The following RALB variants were observed in gnomAD, a reference collection of about 807,000 sequenced individuals.
The protein encoded by RALB is ras-related protein Ral-B.
A neutral mutation model predicts 21.3 loss-of-function variants in RALB; 16 were observed. That is an observed-to-expected ratio of 0.75 (90% CI 0.51 to 1.14). The LOEUF (loss-of-function observed/expected upper bound fraction) is 1.14, where lower values mean the gene tolerates loss of function less well. Among genes scored for constraint, RALB ranks in the 50% most tolerant of loss-of-function variants. The probability of loss-of-function intolerance (pLI) is 0.00; values close to 1 mark genes in which losing one functional copy is unlikely to be tolerated. For missense variants in RALB, 161 were observed against 256.2 expected, an observed-to-expected ratio of 0.63 and a Z score of 2.54; for synonymous variants, 93 against 96.1, an observed-to-expected ratio of 0.97 and a Z score of 0.19.
At chr2:120,277,812 T>C (rs551239164) in intron 1 of RALB, among the ~76,000 whole-genome samples, 1 of 150,754 alleles carries the variant, frequency 6.6e-6, no homozygotes, top group East Asian at 1.9e-4. Flanking sequence ...TGAGAGCGTG[T>C]GAGAGCAAGT....
intron 1 of RALB, among the ~76,000 whole-genome samples, chr2:120,273,689 C>T (rs1317447700): frequency 6.6e-6 from 1 of 152,226 alleles, no homozygotes; most frequent in Non-Finnish European, 1.5e-5. Flanking sequence ...AAGACGCCGA[C>T]CTGTAAGACC....
Position 120,267,801 on chromosome 2 carries a change from A to AT in RALB, c.-47-10810dup, listed in dbSNP as rs555072307. On this transcript the variant is annotated intron_variant, in intron 1 of 4. Transcript: ENST00000272519. ...AGTAACTAAATGAATATATATATAT[A>AT]TTTTTTTCCAGATGGAGTCTCGCTG... Among the ~76,000 whole-genome samples, 30 of 151,998 alleles carry AT rather than the reference A, an allele frequency of 2.0e-4. No homozygotes were observed. In the East Asian group the frequency reaches 5.2e-3, roughly 26 times the overall value.
At chr2:120,246,191 G>A (rs960435438) in intron 1 of RALB, among the ~76,000 whole-genome samples, 1 of 152,262 alleles carries the variant, frequency 6.6e-6, no homozygotes, top group Non-Finnish European at 1.5e-5. Context: ...ATTTGTGGGT[G>A]GGACAGAGTG....
At chr2:120,276,879 G>A (rs1349049948) in intron 1 of RALB, among the ~76,000 whole-genome samples, 4 of 152,148 alleles carry the variant, frequency 2.6e-5, no homozygotes, top group East Asian at 3.9e-4. Flanking sequence ...CTAGGGTCAC[G>A]CAGCTCACAA....
At chr2:120,270,822 T>C (rs1689644484) in intron 1 of RALB, among the ~76,000 whole-genome samples, 1 of 152,184 alleles carries the variant, frequency 6.6e-6, no homozygotes, top group African/African-American at 2.4e-5. Context: ...CAGGGGTCTG[T>C]TTTCAATACT....
intron 3 of RALB, among the ~76,000 whole-genome samples, chr2:120,287,211 C>T (rs1690186558): frequency 6.6e-6 from 1 of 152,188 alleles, no homozygotes; most frequent in African/African-American, 2.4e-5. Context: ...ATGGAAGCAT[C>T]ACTGAGCCAG....
intron 1 of RALB, among the ~76,000 whole-genome samples, chr2:120,266,543 T>G (rs2104605524): frequency 6.6e-6 from 1 of 152,178 alleles, no homozygotes; most frequent in African/African-American, 2.4e-5. Flanking sequence ...CACTGTGCCC[T>G]GCCAAAATTT....
At chr2:120,283,506 GC>G (rs1411598734) in intron 2 of RALB, among the ~76,000 whole-genome samples, 2 of 152,172 alleles carry the variant, frequency 1.3e-5, no homozygotes, top group Non-Finnish European at 2.9e-5. Context: ...TATGGAAGGA[GC>G]CATAGTCCCA....
chr2:120,267,644 A>G (rs1288028925), intron 1 of RALB, among the ~76,000 whole-genome samples: 3 of 152,188 alleles, frequency 2.0e-5, no homozygotes, highest in Non-Finnish European at 4.4e-5. Flanking sequence ...CACATAGTGT[A>G]TGTCCCTTCC....
intron 1 of RALB, among the ~76,000 whole-genome samples, chr2:120,277,061 T>G (rs1558953139): frequency 6.6e-6 from 1 of 152,246 alleles, no homozygotes; most frequent in Non-Finnish European, 1.5e-5. Context: ...GATGCTTTGT[T>G]GTCCCATAAT....
chr2:120,248,787 TCAGCCTCC>T (rs939377710), upstream of RALB, among the ~76,000 whole-genome samples: 3 of 152,024 alleles, frequency 2.0e-5, no homozygotes, highest in Non-Finnish European at 4.4e-5. Flanking sequence ...ATCTCCTACC[TCAGCCTCC>T]CTGGTAGCTG....
chr2:120,258,347 T>A (rs1338408157), intron 1 of RALB, among the ~76,000 whole-genome samples: 3 of 152,222 alleles, frequency 2.0e-5, no homozygotes, highest in Non-Finnish European at 4.4e-5. Flanking sequence ...TTCCTCTTGC[T>A]TCAGGCCTTC....
At chr2:120,276,871 A>G (rs1014121198) in intron 1 of RALB, among the ~76,000 whole-genome samples, 2 of 152,210 alleles carry the variant, frequency 1.3e-5, no homozygotes, top group African/African-American at 2.4e-5. Flanking sequence ...AACTAGTTCT[A>G]GGGTCACGCA....
intron 1 of RALB, among the ~76,000 whole-genome samples, chr2:120,277,001 G>T (rs1276204313): frequency 2.0e-5 from 3 of 152,160 alleles, no homozygotes; most frequent in Admixed American, 6.5e-5. Flanking sequence ...ATAAAGATTG[G>T]CACTTGGGTT....
Position 120,293,205 on chromosome 2 carries a change from G to A in RALB, c.566G>A (p.Gly189Asp), listed in dbSNP as rs754843520. The change falls in exon 5 of 5, where the codon GGC becomes GAC. Residue 189 changes from glycine to aspartate, a missense_variant. Physicochemically the swap from Gly to Asp is moderately conservative, Grantham distance 94. Transcript: ENST00000272519. ...KKMSENKDKN[G>D]KKSSKNKKSF... ...ATGTCAGAAAACAAAGACAAGAATG[G>A]CAAGAAAAGCAGCAAGAACAAGAAA... 3.7e-6 allele frequency: 6 copies of A among 1,613,450 alleles called. No individual in the cohort carries two copies. The Admixed American group carries it at 8.3e-5, about 22-fold the overall frequency.
intron 3 of RALB, among the ~76,000 whole-genome samples, chr2:120,288,206 C>T (rs1690213991): frequency 6.6e-6 from 1 of 152,174 alleles, no homozygotes; most frequent in Non-Finnish European, 1.5e-5. Flanking sequence ...TCAAATGTAT[C>T]ATGTTCTTTG....
Position 120,294,158 on chromosome 2 carries a change from G to T in RALB, c.*898G>T. 7.5e-6 allele frequency: 3 copies of T among 398,600 alleles called. No homozygotes were observed. Among genetic ancestry groups the T allele is most frequent in the Non-Finnish European group, 1.3e-5 (3 of 226,072 alleles). The allele number at this position is 398,600 out of a possible 1,614,324, so 24.7% of individuals were successfully genotyped here. A position where few individuals can be genotyped will look rare whatever the true frequency, so the allele number is the denominator to read the frequency against. On this transcript the variant is annotated 3_prime_UTR_variant, in exon 5 of 5. Coordinates refer to ENST00000272519, the MANE Select transcript of RALB (RefSeq NM_002881.3). ...CTGATCAGCATCACTGCACACGGAGGTCTAGTGAGCCTCTTGCTAAGTGTC... is the reference window on the plus strand; with the variant it reads ...CTGATCAGCATCACTGCACACGGAGTTCTAGTGAGCCTCTTGCTAAGTGTC...
rs1477459156 is a variant in RALB, at chr2:120,294,365, A to G, written c.*1105A>G. 5.0e-6 allele frequency: 2 copies of G among 398,576 alleles called. No homozygotes were observed. Among genetic ancestry groups the G allele is most frequent in the Non-Finnish European group, 8.8e-6 (2 of 226,040 alleles). 24.7% of individuals were successfully genotyped at this position (398,576 alleles called of 1,614,324 possible). On this transcript the variant is annotated 3_prime_UTR_variant, in exon 5 of 5. Coordinates refer to ENST00000272519, the MANE Select transcript of RALB (RefSeq NM_002881.3). ...CTCTGAGAATTGGCTGCTGTTTCTAATATAATTATTTTCTAAGATAGCCAG... is the reference window on the plus strand; with the variant it reads ...CTCTGAGAATTGGCTGCTGTTTCTAGTATAATTATTTTCTAAGATAGCCAG...
intron 1 of RALB, among the ~76,000 whole-genome samples, chr2:120,270,039 T>C (rs1379575251): frequency 6.6e-6 from 1 of 152,234 alleles, no homozygotes; most frequent in African/African-American, 2.4e-5. Flanking sequence ...CCCACTTTTC[T>C]GTGAAGTACT....
Sources: gnomAD v4.1 joint callset for allele counts (sites outside exome capture counted in the v4.1 genomes callset) on GRCh38, gnomAD v4.1.1 for gene constraint, MANE v1.5 for transcripts, NCBI Gene and HGNC (gene_info 2026-07-23, HGNC 2026-07-21) for gene names.